The following SMOC2 variants were observed in gnomAD, a reference collection of about 807,000 sequenced individuals.
SMOC2 encodes SPARC related modular calcium binding 2.
SMOC2 carries 39 observed loss-of-function variants against 61.4 expected under a neutral mutation model. That is an observed-to-expected ratio of 0.64 (90% CI 0.49 to 0.83). The LOEUF is 0.83. SMOC2 is among the 40% of genes least tolerant of loss of function. The pLI is 0.00. For missense variants in SMOC2, 556 were observed against 592.9 expected, an observed-to-expected ratio of 0.94 and a Z score of 0.65; for synonymous variants, 247 against 239.9, an observed-to-expected ratio of 1.03 and a Z score of -0.27.
intron 5 of SMOC2, among the ~76,000 whole-genome samples, chr6:168,546,298 C>T (rs1157315914): frequency 2.0e-5 from 3 of 146,372 alleles, no homozygotes; most frequent in African/African-American, 7.5e-5. Context: ...GAGAGCACCA[C>T]AGTGCCTTGT....
At chr6:168,573,366 C>T (rs1276156148) in intron 7 of SMOC2, among the ~76,000 whole-genome samples, 1 of 141,626 alleles carries the variant, frequency 7.1e-6, no homozygotes, top group Non-Finnish European at 1.5e-5. Context: ...CCCACATCCC[C>T]GGGTGCTGGG....
intron 7 of SMOC2, among the ~76,000 whole-genome samples, chr6:168,559,683 A>G (rs943376982): frequency 1.4e-4 from 22 of 152,120 alleles, no homozygotes; most frequent in African/African-American, 4.6e-4. Flanking sequence ...AGGTGCACCC[A>G]CCAACGGCGT....
At chr6:168,507,547 G>A (rs1392807477) in intron 1 of SMOC2, among the ~76,000 whole-genome samples, 1 of 152,222 alleles carries the variant, frequency 6.6e-6, no homozygotes, top group Non-Finnish European at 1.5e-5. Context: ...ACCTTCCCAT[G>A]GCACAGCACC....
chr6:168,574,133 C>A (rs1784738519), intron 7 of SMOC2, among the ~76,000 whole-genome samples: 1 of 152,284 alleles, frequency 6.6e-6, no homozygotes, highest in Non-Finnish European at 1.5e-5. Context: ...CACATGTGAT[C>A]TCTGTGGATA....
chr6:168,658,832 C>T (rs1209491584), intron 11 of SMOC2, among the ~76,000 whole-genome samples: 1 of 151,646 alleles, frequency 6.6e-6, no homozygotes, highest in Non-Finnish European at 1.5e-5. Flanking sequence ...GAACCCATAG[C>T]TCCCCTCATC....
chr6:168,510,390 C>A (rs532772743), intron 2 of SMOC2, among the ~76,000 whole-genome samples: 66 of 152,122 alleles, frequency 4.3e-4, no homozygotes, highest in Admixed American at 1.6e-3. Context: ...TTCTTTCTTT[C>A]TCATTTTTCT....
intron 9 of SMOC2, among the ~76,000 whole-genome samples, chr6:168,610,098 A>G (rs1413708368): frequency 6.6e-6 from 1 of 152,180 alleles, no homozygotes; most frequent in Non-Finnish European, 1.5e-5. Flanking sequence ...ATATTGAGAA[A>G]CATGATGTCA....
At chr6:168,445,242 A>C (rs1411939999) in intron 1 of SMOC2, among the ~76,000 whole-genome samples, 1 of 152,182 alleles carries the variant, frequency 6.6e-6, no homozygotes, top group East Asian at 1.9e-4. Flanking sequence ...ACAATTCCAC[A>C]CTGCCGTTTC....
rs746154090 is a variant in SMOC2, at chr6:168,650,264, G to C, written c.908-417G>C. 3.7e-4 allele frequency among the ~76,000 whole-genome samples: 56 copies of C among 152,158 alleles called. 1 individual carries two copies. Among genetic ancestry groups the C allele is most frequent in the Non-Finnish European group, 1.3e-4 (9 of 68,036 alleles). ...CTGAGAAGCGAGGTGGCTCTGGACAGGGTGGGGGTGGCGGTGAATCACAGG... is the reference window on the plus strand; with the variant it reads ...CTGAGAAGCGAGGTGGCTCTGGACACGGTGGGGGTGGCGGTGAATCACAGG... On this transcript the variant is annotated intron_variant, in intron 9 of 12. Coordinates refer to ENST00000356284, the MANE Select transcript of SMOC2 (RefSeq NM_001166412.2).
rs746894318 is a variant in SMOC2, at chr6:168,453,761, T to C, written c.84+12307T>C. Among the ~76,000 whole-genome samples the C allele has an allele frequency of 2.0e-5, 3 of 151,808 alleles. No individual in the cohort carries two copies. Among genetic ancestry groups the C allele is most frequent in the Non-Finnish European group, 4.4e-5 (3 of 67,968 alleles). ...TATCTCTGTCTCTCTGTCTCCCTCT[T>C]TCTCTGTCTCTCTGATTCTATCTCT... On this transcript the variant is annotated intron_variant, in intron 1 of 12. Coordinates refer to ENST00000356284, the MANE Select transcript of SMOC2 (RefSeq NM_001166412.2). This position sits in a 1 kb window ranked among gnomAD's most constrained non-coding sequence, Gnocchi z 4.4.
chr6:168,564,873 G>A (rs547028807), intron 7 of SMOC2, among the ~76,000 whole-genome samples: 4 of 152,316 alleles, frequency 2.6e-5, no homozygotes, highest in Non-Finnish European at 5.9e-5. Context: ...GCTGACATAA[G>A]GTTAACCTGG....
intron 10 of SMOC2, among the ~76,000 whole-genome samples, chr6:168,651,972 C>G (rs9455471): frequency 0.12 from 18,078 of 149,254 alleles, 3,163 homozygotes; most frequent in African/African-American, 0.39. Flanking sequence ...ACCTGGGAGG[C>G]GGAGATTGCA....
In SMOC2 at chr6:168,445,116, C is replaced by T. The variant is rs568648448; in HGVS notation, c.84+3662C>T. On this transcript the variant is annotated intron_variant, in intron 1 of 12. Coordinates refer to ENST00000356284, the MANE Select transcript of SMOC2 (RefSeq NM_001166412.2). The stretch of plus-strand genomic sequence containing the variant: ...GAGGAAACTGAAGTTTTGAGAGACT[C>T]TGAAGGGCACCTGGTCACTAAGCAG... Among the ~76,000 whole-genome samples, 21 of 152,334 alleles carry T rather than the reference C, an allele frequency of 1.4e-4. 1 individual carries two copies. In the East Asian group the frequency reaches 1.9e-3, roughly 14 times the overall value.
At position 168,572,859 on chromosome 6, in the gene SMOC2, GC is replaced by G. The variant is rs562210927; in HGVS notation, c.637+23659del. 3.4e-4 allele frequency among the ~76,000 whole-genome samples: 14 copies of G among 40,798 alleles called. 1 individual carries two copies. The highest frequency in any genetic ancestry group is 2.0e-3 in the African/African-American group (13 of 6,504). 26.8% of individuals were successfully genotyped at this position (40,798 alleles called of 152,430 possible). A position where few individuals can be genotyped will look rare whatever the true frequency, so the allele number is the denominator to read the frequency against. ...TCCCTGAACGCGATGTTCATTTCCT[GC>G]CCGCATCTCCGGGTGCTGGGACCAG... On this transcript the variant is annotated intron_variant, in intron 7 of 12. Transcript: ENST00000356284.
At chr6:168,520,552 C>A (rs920465109) in intron 2 of SMOC2, among the ~76,000 whole-genome samples, 1 of 152,232 alleles carries the variant, frequency 6.6e-6, no homozygotes, top group African/African-American at 2.4e-5. Context: ...CATTCAGTGA[C>A]CTCGCGAGAT....
intron 9 of SMOC2, among the ~76,000 whole-genome samples, chr6:168,622,052 G>A (rs1299687172): frequency 3.3e-5 from 5 of 151,744 alleles, no homozygotes; most frequent in African/African-American, 4.8e-5. Flanking sequence ...TGCAAGCTCC[G>A]CCTCCCGGGT....
chr6:168,481,997 AG>A (rs1782217280), intron 1 of SMOC2, among the ~76,000 whole-genome samples: 1 of 151,900 alleles, frequency 6.6e-6, no homozygotes, highest in African/African-American at 2.4e-5. Context: ...AATAAGAACA[AG>A]CTAAACCTAA....
chr6:168,480,939 A>G (rs758053438), intron 1 of SMOC2, among the ~76,000 whole-genome samples: 7 of 152,180 alleles, frequency 4.6e-5, no homozygotes, highest in Non-Finnish European at 1.0e-4. Flanking sequence ...GAAAATCAAA[A>G]ACAAAACAAT....
intron 1 of SMOC2, among the ~76,000 whole-genome samples, chr6:168,465,899 G>A (rs2609306): frequency 8.8e-6 from 1 of 113,332 alleles, no homozygotes; most frequent in Non-Finnish European, 1.8e-5. Flanking sequence ...GGATGAAGCG[G>A]CATGCTGCTC....
Sources: allele counts gnomAD v4.1 joint callset (sites outside exome capture counted in the v4.1 genomes callset), GRCh38; gene constraint gnomAD v4.1.1; non-coding constraint Gnocchi (gnomAD v3.1); transcripts MANE v1.5; gene names NCBI Gene and HGNC (gene_info 2026-07-23, HGNC 2026-07-21).